The following DLGAP2 variants were observed in gnomAD, a reference collection of about 807,000 sequenced individuals.
DLGAP2 encodes DLG associated protein 2.
DLGAP2 carries 26 observed loss-of-function variants against 100.3 expected under a neutral mutation model. The ratio of observed to expected loss-of-function variants is 0.26; its 90% CI spans 0.19 to 0.36. The LOEUF (loss-of-function observed/expected upper bound fraction) is 0.36. Ranked by LOEUF, DLGAP2 falls within the 10% of genes least tolerant of loss-of-function variation. DLGAP2 has a pLI of 1.00. For missense variants in DLGAP2, 1,858 were observed against 1,453.2 expected, an observed-to-expected ratio of 1.28 and a Z score of -4.53; for synonymous variants, 886 against 630.1, an observed-to-expected ratio of 1.41 and a Z score of -6.08.
chr8:1,169,912 A>G (rs530566919), intron 2 of DLGAP2, among the ~76,000 whole-genome samples: 3 of 152,088 alleles, frequency 2.0e-5, no homozygotes, highest in Admixed American at 6.5e-5. Context: ...AGAACTTCCA[A>G]CACTAGGTTG....
intron 1 of DLGAP2, among the ~76,000 whole-genome samples, chr8:889,624 T>C (rs1797993708): frequency 6.6e-6 from 1 of 152,212 alleles, no homozygotes; most frequent in South Asian, 2.1e-4. Context: ...ACCAAGCCAT[T>C]CAGCTTCCCT....
At chr8:1,159,708 G>A (rs893690641) in intron 2 of DLGAP2, among the ~76,000 whole-genome samples, 4 of 152,206 alleles carry the variant, frequency 2.6e-5, no homozygotes, top group African/African-American at 7.2e-5. Context: ...GATGGCTGGT[G>A]CAGTTAGTTA....
rs138644090 is a variant in DLGAP2 at position 1,471,870 on chromosome 8, A to G, written c.107-29496A>G. On this transcript the variant is annotated intron_variant, in intron 3 of 14. Transcript: ENST00000637795. ...TCCAGGAGCTCACAAGTGCCGTGAC[A>G]GTTGAATGGGGCTCTGCGCAGGCCT... 3.3e-3 allele frequency among the ~76,000 whole-genome samples: 505 copies of G among 152,304 alleles called. 1 individual carries two copies. The highest frequency in any genetic ancestry group is 0.029 in the East Asian group (148 of 5,172).
intron 2 of DLGAP2, among the ~76,000 whole-genome samples, chr8:1,202,833 G>C (rs62486891): frequency 0.17 from 26,045 of 152,198 alleles, 2,552 homozygotes; most frequent in Admixed American, 0.24. Context: ...GATGCAGCTC[G>C]AGGAAAAAGC....
intron 2 of DLGAP2, among the ~76,000 whole-genome samples, chr8:1,130,659 G>A (rs987853109): frequency 6.6e-6 from 1 of 152,258 alleles, no homozygotes; most frequent in Admixed American, 6.5e-5. Flanking sequence ...AGGCTGCACA[G>A]CAGCATCTTC....
At chr8:842,265 G>T (rs989827655) in intron 1 of DLGAP2, among the ~76,000 whole-genome samples, 1 of 152,144 alleles carries the variant, frequency 6.6e-6, no homozygotes, top group African/African-American at 2.4e-5. Context: ...AATACTCCTT[G>T]AGCGATTGTA....
intron 3 of DLGAP2, chr8:1,300,380 T>G (rs2116991737): frequency 6.6e-6 from 1 of 152,238 alleles, no homozygotes; most frequent in South Asian, 2.1e-4. Context: ...GCGTTTTCCC[T>G]CCCTACACTG....
chr8:1,416,949 G>A (rs1330450389), intron 3 of DLGAP2, among the ~76,000 whole-genome samples: 2 of 152,184 alleles, frequency 1.3e-5, no homozygotes, highest in Non-Finnish European at 2.9e-5. Context: ...TGCTTCGTGA[G>A]GAGGCCCAGC....
chr8:1,370,597 TA>T (rs1802214378), intron 3 of DLGAP2, among the ~76,000 whole-genome samples: 1 of 152,212 alleles, frequency 6.6e-6, no homozygotes, highest in African/African-American at 2.4e-5. Flanking sequence ...AGCTGTCTTT[TA>T]TCACCCTCTG....
intron 2 of DLGAP2, among the ~76,000 whole-genome samples, chr8:1,222,526 G>C (rs561243151): frequency 1.1e-4 from 16 of 152,254 alleles, no homozygotes; most frequent in African/African-American, 3.9e-4. Context: ...AAGTGCTCTT[G>C]CAGAGTGATG....
chr8:1,125,777 C>T (rs1796149882), intron 2 of DLGAP2, among the ~76,000 whole-genome samples: 2 of 152,204 alleles, frequency 1.3e-5, no homozygotes, highest in South Asian at 4.1e-4. Flanking sequence ...AATTTGAAAG[C>T]AAAACATTGC....
intron 8 of DLGAP2, among the ~76,000 whole-genome samples, chr8:1,646,987 T>A (rs1798055105): frequency 6.6e-6 from 1 of 152,052 alleles, no homozygotes; most frequent in Non-Finnish European, 1.5e-5. Context: ...GAGCGGACAG[T>A]GGAGGAGGAT....
chr8:1,673,027 C>T (rs368600906), intron 10 of DLGAP2, among the ~76,000 whole-genome samples: 3 of 152,234 alleles, frequency 2.0e-5, no homozygotes, highest in Admixed American at 1.3e-4. Context: ...TTGGCTTTGA[C>T]GCCGCTGCTA....
chr8:812,655 A>G lies in DLGAP2; in HGVS notation c.18+74830A>G, dbSNP rs1029874046. 1.2e-4 allele frequency among the ~76,000 whole-genome samples: 18 copies of G among 152,346 alleles called. 1 individual carries two copies. Among genetic ancestry groups the G allele is most frequent in the Admixed American group, 8.5e-4 (13 of 15,308 alleles). On this transcript the variant is annotated intron_variant, in intron 1 of 14. Coordinates refer to ENST00000637795, the MANE Select transcript of DLGAP2 (RefSeq NM_001346810.2). ...AATATATTATAAACTAATCAAATAG[A>G]TGAAATTATTAGCTACAGATCCTTG... is the stretch of plus-strand genomic sequence containing the variant.
At chr8:1,139,639 A>T (rs894951554) in intron 2 of DLGAP2, among the ~76,000 whole-genome samples, 1 of 152,132 alleles carries the variant, frequency 6.6e-6, no homozygotes, top group African/African-American at 2.4e-5. Context: ...ACAGGTCACT[A>T]ATTAACATGA....
intron 4 of DLGAP2, among the ~76,000 whole-genome samples, chr8:1,531,006 T>A (rs1243146313): frequency 1.3e-5 from 2 of 152,250 alleles, no homozygotes; most frequent in African/African-American, 2.4e-5. Flanking sequence ...AAAAATTTGT[T>A]TTCTAACATT....
At chr8:1,634,650 T>C (rs952950931) in intron 8 of DLGAP2, among the ~76,000 whole-genome samples, 1 of 152,234 alleles carries the variant, frequency 6.6e-6, no homozygotes, top group Non-Finnish European at 1.5e-5. Context: ...TCATTACTCA[T>C]ACTTTCAGCA....
chr8:1,073,645 A>G (rs1803502053), intron 2 of DLGAP2, among the ~76,000 whole-genome samples: 1 of 152,224 alleles, frequency 6.6e-6, no homozygotes, highest in African/African-American at 2.4e-5. Context: ...AAGGGGATGC[A>G]AAGCCCTGCA....
At chr8:1,466,941 C>A (rs891085418) in intron 3 of DLGAP2, among the ~76,000 whole-genome samples, 1 of 152,020 alleles carries the variant, frequency 6.6e-6, no homozygotes, top group Non-Finnish European at 1.5e-5. Context: ...TAAAAGAGAG[C>A]TAGTTATAGA....
Sources: allele counts gnomAD v4.1 joint callset (sites outside exome capture counted in the v4.1 genomes callset), GRCh38; gene constraint gnomAD v4.1.1; transcripts MANE v1.5; gene names NCBI Gene and HGNC (gene_info 2026-07-23, HGNC 2026-07-21).